TYRO3: variants seen among roughly 807,000 people sequenced by gnomAD.
The protein encoded by TYRO3 is tyrosine-protein kinase receptor TYRO3.
Under a neutral mutation model 95.2 loss-of-function variants are expected in TYRO3, and 38 were observed. The ratio of observed to expected loss-of-function variants is 0.40; its 90% CI spans 0.31 to 0.52. The LOEUF (loss-of-function observed/expected upper bound fraction) is 0.52, where lower values mean the gene tolerates loss of function less well. TYRO3 is among the 20% of genes least tolerant of loss of function. TYRO3 has a pLI of 0.56. For missense variants in TYRO3, 812 were observed against 1,116.4 expected (o/e 0.73, Z 3.89); for synonymous variants, 367 against 432.9 (o/e 0.85, Z 1.89).
At chr15:41,568,397 G>C in intron 8 of TYRO3, 35 bp downstream of exon 8, 1 of 1,592,448 alleles carries the variant, frequency 6.3e-7, no homozygotes, top group Non-Finnish European at 8.6e-7. Flanking sequence ...CCACTCTCCT[G>C]GAGTATAAGC....
In TYRO3 at chr15:41,562,724, C is replaced by T; in HGVS notation, c.580+6C>T. ...ATCTGTTTTAAATGTAACAGGTGAG[C>T]AGCCTCAGAAGGGGGCTGGGAGTGG... On this transcript the variant is annotated splice_donor_region_variant and intron_variant, in intron 4 of 18. Coordinates refer to ENST00000263798, the MANE Select transcript of TYRO3 (RefSeq NM_006293.4). 1 of 1,490,352 alleles carries T rather than the reference C, an allele frequency of 6.7e-7. No individual in the cohort carries two copies. The highest frequency in any genetic ancestry group is 9.2e-7 in the Non-Finnish European group (1 of 1,088,604). 92.3% of individuals were successfully genotyped at this position (1,490,352 alleles called of 1,614,324 possible).
rs924735214 is a variant in TYRO3 at position 41,583,208 on chromosome 15, G to T, written c.*4932G>T. The T allele has an allele frequency of 1.3e-5, 2 of 151,968 alleles. No individual in the cohort carries two copies. The highest frequency in any genetic ancestry group is 2.9e-5 in the Non-Finnish European group (2 of 68,032). The allele number at this position is 151,968 out of a possible 1,614,324, so 9.4% of individuals were successfully genotyped here. A position where few individuals can be genotyped will look rare whatever the true frequency, so the allele number is the denominator to read the frequency against. ...AGACAGGGTTTCACCATGTTAGCCA[G>T]GATGGTCTCGATCTCCTGACCTCGT... On this transcript the variant is annotated 3_prime_UTR_variant, in exon 19 of 19. Transcript: ENST00000263798.
Position 41,578,355 on chromosome 15 carries a change from C to G in TYRO3, c.*79C>G, listed in dbSNP as rs2055887813. On this transcript the variant is annotated 3_prime_UTR_variant, in exon 19 of 19. Coordinates refer to ENST00000263798, the MANE Select transcript of TYRO3 (RefSeq NM_006293.4). ...TGGCTGACTAAGCCCCGTCTGACCCCAGCCCAGACAGCAAGGTGTGGAGGC... is the reference window on the plus strand; with the variant it reads ...TGGCTGACTAAGCCCCGTCTGACCCGAGCCCAGACAGCAAGGTGTGGAGGC... 1.3e-6 allele frequency: 2 copies of G among 1,551,596 alleles called. No individual in the cohort carries two copies. Among genetic ancestry groups the G allele is most frequent in the Non-Finnish European group, 1.8e-6 (2 of 1,141,364 alleles).
In TYRO3 at chr15:41,561,561, G is replaced by A. The variant is rs1370562324; in HGVS notation, c.331G>A (p.Asp111Asn). 1.3e-6 allele frequency: 2 copies of A among 1,590,952 alleles called. No individual in the cohort carries two copies. Among genetic ancestry groups the A allele is most frequent in the African/African-American group, 1.3e-5 (1 of 74,434 alleles). The change falls in exon 3 of 19, where the codon GAC becomes AAC. Residue 111 changes from aspartate (D) to asparagine (N), a missense_variant. Coordinates refer to ENST00000263798, the MANE Select transcript of TYRO3 (RefSeq NM_006293.4). ...FLSLKSVERS[D>N]AGRYWCQVED... Reference sequence around the variant, plus strand: ...CAGCCTGAAGTCAGTGGAGCGCTCTGACGCCGGCCGGTACTGGTGCCAGGT... The same window carrying A: ...CAGCCTGAAGTCAGTGGAGCGCTCTAACGCCGGCCGGTACTGGTGCCAGGT...
rs1008273533 is a variant in TYRO3, at chr15:41,567,592, C to T, written c.961+55C>T. The T allele has an allele frequency of 2.2e-5, 31 of 1,394,464 alleles. No individual in the cohort carries two copies. The African/African-American group carries it at 2.8e-4, about 13-fold the overall frequency. 86.4% of individuals were successfully genotyped at this position (1,394,464 alleles called of 1,614,324 possible). A position where few individuals can be genotyped will look rare whatever the true frequency, so the allele number is the denominator to read the frequency against. Reference sequence around the variant, plus strand: ...GCAGGGCTGGAGCCGGGAAGGGGGCCGTGTTGGCTGGAGTTCTGAATGGTG... The same window carrying T: ...GCAGGGCTGGAGCCGGGAAGGGGGCTGTGTTGGCTGGAGTTCTGAATGGTG... On this transcript the variant is annotated intron_variant, in intron 7 of 18. Transcript: ENST00000263798.
In TYRO3 at chr15:41,570,591, C is replaced by T. The variant is rs992907716; in HGVS notation, c.1484-13C>T. The T allele has an allele frequency of 1.0e-6, 1 of 969,432 alleles. No homozygotes were observed. Among genetic ancestry groups the T allele is most frequent in the Non-Finnish European group, 1.6e-6 (1 of 643,536 alleles). The allele number at this position is 969,432 out of a possible 1,614,324, so 60.1% of individuals were successfully genotyped here. On this transcript the variant is annotated splice_polypyrimidine_tract_variant and intron_variant, in intron 11 of 18. Transcript: ENST00000263798. ...TCAGAGATCCCTCTTTCCCACAAAC[C>T]CTTTCCCCACAGTGGACAGCTTGGG...
At chr15:41,571,464 G>C in intron 13 of TYRO3, 131 bp from the exon 14 acceptor site, 2 of 688,452 alleles carry the variant, frequency 2.9e-6, no homozygotes, top group Non-Finnish European at 5.3e-6. Flanking sequence ...GGTTTCTCCT[G>C]CTCATGGCTG....
In TYRO3 at chr15:41,579,759, T is replaced by A. The variant is rs1042326165; in HGVS notation, c.*1483T>A. 1.4e-5 allele frequency: 2 copies of A among 140,164 alleles called. No individual in the cohort carries two copies. The highest frequency in any genetic ancestry group is 7.2e-5 in the Admixed American group (1 of 13,952). The allele number at this position is 140,164 out of a possible 1,614,324, so 8.7% of individuals were successfully genotyped here. A position where few individuals can be genotyped will look rare whatever the true frequency, so the allele number is the denominator to read the frequency against. Reference sequence around the variant, plus strand: ...TGCCAAAATGTTAACAGCTGTTATCTTTTTTTTTTTTTTTTTGAGACCGAG... The same window carrying A: ...TGCCAAAATGTTAACAGCTGTTATCATTTTTTTTTTTTTTTTGAGACCGAG... On this transcript the variant is annotated 3_prime_UTR_variant, in exon 19 of 19. Coordinates refer to ENST00000263798, the MANE Select transcript of TYRO3 (RefSeq NM_006293.4).
rs181629047 is a variant in TYRO3 at position 41,576,093 on chromosome 15, A to G, written c.2283-1793A>G. Among the ~76,000 whole-genome samples the G allele has an allele frequency of 4.5e-4, 58 of 128,058 alleles. 1 individual carries two copies. In the East Asian group the frequency reaches 0.013, roughly 28 times the overall value. The allele number at this position is 128,058 out of a possible 152,430, so 84.0% of individuals were successfully genotyped here. On this transcript the variant is annotated intron_variant, in intron 18 of 18. Coordinates refer to ENST00000263798, the MANE Select transcript of TYRO3 (RefSeq NM_006293.4). ...CACTCCAGCCTGGGCAACAAGAGCAAAACTCCATCTCAAAAAAAAAAAAAA... is the reference window on the plus strand; with the variant it reads ...CACTCCAGCCTGGGCAACAAGAGCAGAACTCCATCTCAAAAAAAAAAAAAA...
chr15:41,574,118 G>A (rs539967896), intron 18 of TYRO3, among the ~76,000 whole-genome samples: 1 of 152,138 alleles, frequency 6.6e-6, no homozygotes, highest in Non-Finnish European at 1.5e-5. Context: ...AGTGTGGGAG[G>A]TTTCCCTGCC....
At chr15:41,561,435 C>T (rs1224541470) in intron 2 of TYRO3, 104 bp from the exon 3 acceptor site, 2 of 1,414,234 alleles carry the variant, frequency 1.4e-6, no homozygotes, top group Non-Finnish European at 1.9e-6. Context: ...ATTTGGCTAC[C>T]TGTGGGACCT....
rs745996112 is a variant in TYRO3, at chr15:41,571,510, T to C, written c.1661-85T>C. On this transcript the variant is annotated intron_variant, in intron 13 of 18. Coordinates refer to ENST00000263798, the MANE Select transcript of TYRO3 (RefSeq NM_006293.4). ...TGGGCTCCCTGGGAAGCCTAGGACA[T>C]CTGAAGGACAAGACCTAGGAGGCCT... 5 of 933,824 alleles carry C rather than the reference T, an allele frequency of 5.4e-6. No individual in the cohort carries two copies. The African/African-American group carries it at 6.5e-5, about 12-fold the overall frequency. 57.8% of individuals were successfully genotyped at this position (933,824 alleles called of 1,614,324 possible).
chr15:41,573,640 C>G, intron 17 of TYRO3, 39 bp from the exon 18 acceptor site: 1 of 1,455,188 alleles, frequency 6.9e-7, no homozygotes, highest in African/African-American at 1.4e-5. Flanking sequence ...CTCAGGACAC[C>G]TAGTGACAGC....
Position 41,572,444 on chromosome 15 carries a change from G to A in TYRO3, c.1755G>A (p.Gly585=). The change falls in exon 15 of 19, where the codon GGG becomes GGA. Residue 585 remains glycine, a splice_region_variant and synonymous_variant. Coordinates refer to ENST00000263798, the MANE Select transcript of TYRO3 (RefSeq NM_006293.4). ...GCTCCTGACTCTCCCTTGTCCCAGG[G>A]GTAAGCCTCCGGAGCAGGGCTAAAG... ...FDHPHVAKLV[G]VSLRSRAKGR... 2 of 1,614,134 alleles carry A rather than the reference G, an allele frequency of 1.2e-6. No individual in the cohort carries two copies. Among genetic ancestry groups the A allele is most frequent in the East Asian group, 2.2e-5 (1 of 44,888 alleles).
chr15:41,563,062 C>G (rs2055677841), intron 4 of TYRO3, among the ~76,000 whole-genome samples: 1 of 152,048 alleles, frequency 6.6e-6, no homozygotes, highest in Non-Finnish European at 1.5e-5. Context: ...CAGAAACCAG[C>G]CCACGCAGAA....
At chr15:41,568,419 TA>T in intron 8 of TYRO3, 57 bp downstream of exon 8, 1 of 1,518,616 alleles carries the variant, frequency 6.6e-7, no homozygotes, top group Non-Finnish European at 8.9e-7. Context: ...TTCAGGGTTC[TA>T]AGGCCTTTAA....
chr15:41,574,671 C>T (rs2055839486), intron 18 of TYRO3: 1 of 455,870 alleles, frequency 2.2e-6, no homozygotes, highest in Non-Finnish European at 4.4e-6. Flanking sequence ...CACTCCCACT[C>T]CATCCAAGCC....
At chr15:41,570,792 C>A (rs557264455) in intron 12 of TYRO3, 93 bp downstream of exon 12, 1 of 1,270,510 alleles carries the variant, frequency 7.9e-7, no homozygotes, top group Non-Finnish European at 1.1e-6. Flanking sequence ...GGGTTTGGGT[C>A]GGTTGCCGTA....
At chr15:41,575,871 T>G (rs2055853576) in intron 18 of TYRO3, among the ~76,000 whole-genome samples, 1 of 151,988 alleles carries the variant, frequency 6.6e-6, no homozygotes, top group African/African-American at 2.4e-5. Context: ...TCCCAGCGCT[T>G]TGGGAGGCGG....
Sources: gnomAD v4.1 joint callset for allele counts (sites outside exome capture counted in the v4.1 genomes callset) on GRCh38, gnomAD v4.1.1 for gene constraint, MANE v1.5 for transcripts, NCBI Gene and HGNC (gene_info 2026-07-23, HGNC 2026-07-21) for gene names.